Variants in PPP4C observed in about 807,000 individuals in gnomAD.
PPP4C encodes serine/threonine-protein phosphatase 4 catalytic subunit.
Under a neutral mutation model 40.5 loss-of-function variants are expected in PPP4C, and 10 were observed. The ratio of observed to expected loss-of-function variants is 0.25; its 90% confidence interval spans 0.15 to 0.42. The LOEUF (loss-of-function observed/expected upper bound fraction) is 0.42. Among genes scored for constraint, PPP4C ranks in the 10% least tolerant of loss-of-function variants. The pLI, the probability that PPP4C is intolerant of heterozygous loss-of-function variation, is 1.00. For missense variants in PPP4C, 191 were observed against 416.4 expected, an observed-to-expected ratio of 0.46 and a Z score of 4.71; for synonymous variants, 187 against 163.6, an observed-to-expected ratio of 1.14 and a Z score of -1.09.
rs376757573 is a variant in PPP4C, at chr16:30,082,540, A to C, written c.201+6A>C. The C allele has an allele frequency of 2.4e-5, 38 of 1,611,312 alleles. No homozygotes were observed. The highest frequency in any genetic ancestry group is 3.0e-5 in the Non-Finnish European group (35 of 1,177,582). The stretch of plus-strand genomic sequence containing the variant: ...ACCTCAAAGAGCTGTTCAGAGTAAG[A>C]GTGTGGCCAACACTGTGAAATGTAA... On this transcript the variant is annotated splice_donor_region_variant and intron_variant, in intron 4 of 8. Coordinates refer to ENST00000279387, the MANE Select transcript of PPP4C (RefSeq NM_002720.3).
At chr16:30,079,859 G>A (rs1188596597) in intron 2 of PPP4C, among the ~76,000 whole-genome samples, 1 of 152,112 alleles carries the variant, frequency 6.6e-6, no homozygotes, top group Non-Finnish European at 1.5e-5. Context: ...GGCTTCCCTG[G>A]TTCATATCCC....
In PPP4C at chr16:30,081,277, G is replaced by C; in HGVS notation, c.117G>C (p.Glu39Asp). 6.2e-7 allele frequency: 1 copy of C among 1,613,788 alleles called. No individual in the cohort carries two copies. The highest frequency in any genetic ancestry group is 8.5e-7 in the Non-Finnish European group (1 of 1,179,918). ...TCTCCAGAGAGATCTTGGTAGAGGA[G>C]AGCAACGTGCAGAGGGTGGACTCGC... ...CAKAREILVE[E>D]SNVQRVDSPV... Residue 39 changes from glutamate to aspartate, a missense_variant, in exon 3 of 9, where the codon GAG (glutamate) becomes GAC (aspartate). This residue lies in a region of PPP4C where 171 missense variants were observed against 352.4 expected (regional missense o/e 0.49). Transcript: ENST00000279387.
Position 30,085,245 on chromosome 16 carries a change from C to T in PPP4C, c.*183C>T, listed in dbSNP as rs1189476611. ...GGAGACCTAGCTCCATGTTCCTCCTCCTCTCTCCCCACTTGAACCATGAAG... is the reference window on the plus strand; with the variant it reads ...GGAGACCTAGCTCCATGTTCCTCCTTCTCTCTCCCCACTTGAACCATGAAG... On this transcript the variant is annotated 3_prime_UTR_variant, in exon 9 of 9. Coordinates refer to ENST00000279387, the MANE Select transcript of PPP4C (RefSeq NM_002720.3). The T allele has an allele frequency of 5.5e-6, 3 of 544,508 alleles. No homozygotes were observed. The highest frequency in any genetic ancestry group is 3.0e-5 in the East Asian group (1 of 33,592). The allele number at this position is 544,508 out of a possible 1,614,324, so 33.7% of individuals were successfully genotyped here. A position where few individuals can be genotyped will look rare whatever the true frequency, so the allele number is the denominator to read the frequency against.
Position 30,085,203 on chromosome 16 carries a change from CT to C in PPP4C, c.*143del. 9.2e-7 allele frequency: 1 copy of C among 1,091,788 alleles called. No individual in the cohort carries two copies. Among genetic ancestry groups the C allele is most frequent in the South Asian group, 1.5e-5 (1 of 67,188 alleles). 67.6% of individuals were successfully genotyped at this position (1,091,788 alleles called of 1,614,324 possible). A position where few individuals can be genotyped will look rare whatever the true frequency, so the allele number is the denominator to read the frequency against. On this transcript the variant is annotated 3_prime_UTR_variant, in exon 9 of 9. Coordinates refer to ENST00000279387, the MANE Select transcript of PPP4C (RefSeq NM_002720.3). ...CAAGAGGGTGCTTCGAGGGTGAGGA[CT>C]TCTCTGGAGAGGCCTGGAGACCTAG...
intron 2 of PPP4C, among the ~76,000 whole-genome samples, chr16:30,076,988 T>G (rs536351665): frequency 6.6e-6 from 1 of 152,316 alleles, no homozygotes; most frequent in East Asian, 1.9e-4. Flanking sequence ...AAGCCAGCTC[T>G]TAGTGTCCTG....
In PPP4C at chr16:30,083,628, G is replaced by A. The variant is rs202082157; in HGVS notation, c.478-27G>A. 6.1e-5 allele frequency: 99 copies of A among 1,613,920 alleles called. No homozygotes were observed. The highest frequency in any genetic ancestry group is 4.2e-4 in the South Asian group (38 of 91,084). On this transcript the variant is annotated intron_variant, in intron 6 of 8. Coordinates refer to ENST00000279387, the MANE Select transcript of PPP4C (RefSeq NM_002720.3). This position sits in a 1 kb window ranked among gnomAD's most constrained non-coding sequence, Gnocchi z 6.3. ...GAGGGGGGCTTCAGGCCTCAGCCCC[G>A]TCCTCTTTCCCTGCTCTCCCCTGTA...
At position 30,084,758 on chromosome 16, in the gene PPP4C, A is replaced by G. The variant is rs1249871045; in HGVS notation, c.697A>G (p.Met233Val). The G allele has an allele frequency of 1.9e-6, 3 of 1,614,254 alleles. No homozygotes were observed. Among genetic ancestry groups the G allele is most frequent in the South Asian group, 1.1e-5 (1 of 91,090 alleles). The change falls in exon 8 of 9, where the codon ATG becomes GTG. Residue 233 changes from methionine (M) to valine (V), a missense_variant. Physicochemically the swap from Met to Val is conservative, Grantham distance 21. Coordinates refer to ENST00000279387, the MANE Select transcript of PPP4C (RefSeq NM_002720.3). Reference sequence around the variant, plus strand: ...GTTCAACGCAGCCAATGACATTGACATGATCTGCCGTGCCCACCAACTGGT... The same window carrying G: ...GTTCAACGCAGCCAATGACATTGACGTGATCTGCCGTGCCCACCAACTGGT... ...AQFNAANDID[M>V]ICRAHQLVME...
chr16:30,082,232 A>G (rs572842901), intron 3 of PPP4C, among the ~76,000 whole-genome samples: 58 of 152,190 alleles, frequency 3.8e-4, no homozygotes, highest in African/African-American at 1.3e-3. Context: ...GAGTAGAGAG[A>G]GGAAGGGGCC....
chr16:30,081,343 T>G, intron 3 of PPP4C, 33 bp downstream of exon 3: 2 of 1,583,026 alleles, frequency 1.3e-6, no homozygotes, highest in Non-Finnish European at 1.7e-6. Flanking sequence ...GAGCCAGGCC[T>G]GGTCTTTCAG....
chr16:30,084,445 G>T (rs141533342), intron 7 of PPP4C, among the ~76,000 whole-genome samples: 111 of 152,340 alleles, frequency 7.3e-4, no homozygotes, highest in Non-Finnish European at 1.5e-3. Flanking sequence ...TTATGAGGGG[G>T]CCCCAGGCAT....
intron 2 of PPP4C, among the ~76,000 whole-genome samples, chr16:30,077,170 G>A (rs2072418567): frequency 6.6e-6 from 1 of 152,206 alleles, no homozygotes; most frequent in African/African-American, 2.4e-5. Context: ...AGGTTTTGCA[G>A]TGTGAGATGG....
chr16:30,076,150 G>A, intron 1 of PPP4C, 56 bp downstream of exon 1: 1 of 572,894 alleles, frequency 1.7e-6, no homozygotes, highest in South Asian at 2.1e-5. Context: ...CGCGGGGTTC[G>A]ACGGGAGTTA....
chr16:30,081,648 C>G (rs758940747), intron 3 of PPP4C: 10 of 209,746 alleles, frequency 4.8e-5, no homozygotes, highest in Non-Finnish European at 1.0e-4. Context: ...GAGGCTGAGG[C>G]AGGAGAATCG....
At chr16:30,081,207 A>G in intron 2 of PPP4C, 52 bp from the exon 3 acceptor site, 2 of 1,611,464 alleles carry the variant, frequency 1.2e-6, no homozygotes, top group Non-Finnish European at 1.7e-6. Flanking sequence ...AAGGTCAGGA[A>G]TTGGGCTGGG....
At chr16:30,076,501 G>T (rs2072400340) in intron 2 of PPP4C, 26 bp downstream of exon 2, 2 of 1,588,956 alleles carry the variant, frequency 1.3e-6, no homozygotes, top group Non-Finnish European at 1.7e-6. Flanking sequence ...CTGGGGAAGG[G>T]AGGCCAAGCC....
chr16:30,082,552 A>G lies in PPP4C; in HGVS notation c.201+18A>G, dbSNP rs756225109. Reference sequence around the variant, plus strand: ...TGTTCAGAGTAAGAGTGTGGCCAACACTGTGAAATGTAACGGGGGGATGAC... The same window carrying G: ...TGTTCAGAGTAAGAGTGTGGCCAACGCTGTGAAATGTAACGGGGGGATGAC... On this transcript the variant is annotated intron_variant, in intron 4 of 8. Transcript: ENST00000279387. 5 of 1,608,900 alleles carry G rather than the reference A, an allele frequency of 3.1e-6. No individual in the cohort carries two copies. Among genetic ancestry groups the G allele is most frequent in the Non-Finnish European group, 4.3e-6 (5 of 1,175,348 alleles).
intron 2 of PPP4C, among the ~76,000 whole-genome samples, chr16:30,079,295 T>C (rs777600754): frequency 3.3e-5 from 5 of 151,890 alleles, no homozygotes; most frequent in Non-Finnish European, 7.4e-5. Flanking sequence ...GTTCAAGTGA[T>C]TCTCCTACCT....
At chr16:30,081,614 G>T (rs561244284) in intron 3 of PPP4C, 2 of 242,678 alleles carry the variant, frequency 8.2e-6, no homozygotes. Flanking sequence ...GTGGTGGCAC[G>T]TGCCTGTAAT....
rs2072601759 is a variant in PPP4C, at chr16:30,085,289, TC to T, written c.*228del. ...CATGAAGTTTCCAATAATTTTTTTTTCTTTTTTTCCTTCTTTTTTCTGTTTG... is the reference window on the plus strand; with the variant it reads ...CATGAAGTTTCCAATAATTTTTTTTTTTTTTTTCCTTCTTTTTTCTGTTTG... On this transcript the variant is annotated 3_prime_UTR_variant, in exon 9 of 9. Coordinates refer to ENST00000279387, the MANE Select transcript of PPP4C (RefSeq NM_002720.3). The T allele has an allele frequency of 2.4e-6, 1 of 409,134 alleles. No individual in the cohort carries two copies. The highest frequency in any genetic ancestry group is 1.0e-4 in the South Asian group (1 of 9,884). The allele number at this position is 409,134 out of a possible 1,614,324, so 25.3% of individuals were successfully genotyped here.
Sources: gnomAD v4.1 joint callset for allele counts (sites outside exome capture counted in the v4.1 genomes callset) on GRCh38, gnomAD v4.1.1 for gene constraint, gnomAD v4.1.1 regional missense constraint, Gnocchi (gnomAD v3.1) non-coding constraint, MANE v1.5 for transcripts, NCBI Gene and HGNC (gene_info 2026-07-23, HGNC 2026-07-21) for gene names.